The following PKD2 variants were observed in gnomAD, a reference collection of about 807,000 sequenced individuals.
PKD2 encodes the protein polycystin-2.
Under a neutral mutation model 105.9 loss-of-function variants are expected in PKD2, and 48 were observed. That is an observed-to-expected ratio of 0.45 (90% CI 0.36 to 0.58). PKD2 has a LOEUF of 0.58. Ranked by LOEUF, PKD2 falls within the 20% of genes least tolerant of loss-of-function variation. The pLI is 0.00. For missense variants in PKD2, 1,078 were observed against 1,255.3 expected, an observed-to-expected ratio of 0.86 and a Z score of 2.13; for synonymous variants, 464 against 481.1, an observed-to-expected ratio of 0.96 and a Z score of 0.46.
At position 88,036,227 on chromosome 4, in the gene PKD2, C is replaced by T. The variant is rs780351760; in HGVS notation, c.717C>T (p.Tyr239=). The change falls in exon 3 of 15, where the codon TAC becomes TAT. Residue 239 remains tyrosine (Y), a synonymous_variant. Coordinates refer to ENST00000237596, the MANE Select transcript of PKD2 (RefSeq NM_000297.4). ...LFLIVLCILT[Y]GMMSSNVYYY... is the part of the protein sequence containing the mutation. ...GATCTTTCTGTGTTCCAGTGACCTA[C>T]GGCATGATGAGCTCCAATGTGTACT... 8 of 1,613,506 alleles carry T rather than the reference C, an allele frequency of 5.0e-6. No individual in the cohort carries two copies. Among genetic ancestry groups the T allele is most frequent in the Middle Eastern group, 1.6e-4 (1 of 6,080 alleles).
chr4:88,018,283 A>G (rs536413186), intron 1 of PKD2, among the ~76,000 whole-genome samples: 2 of 152,366 alleles, frequency 1.3e-5, no homozygotes, highest in South Asian at 4.1e-4. Context: ...ACCCAAATTC[A>G]GGAATAGAAC....
chr4:88,074,249 A>T (rs1393030566), intron 13 of PKD2, among the ~76,000 whole-genome samples: 1 of 152,184 alleles, frequency 6.6e-6, no homozygotes, highest in Non-Finnish European at 1.5e-5. Context: ...CCCAAGGCTC[A>T]GGTGATCCTT....
rs769630264 is a variant in PKD2, at chr4:88,019,483, G to A, written c.621G>A (p.Glu207=). 6 of 1,595,714 alleles carry A rather than the reference G, an allele frequency of 3.8e-6. No individual in the cohort carries two copies. The highest frequency in any genetic ancestry group is 3.3e-5 in the Admixed American group (2 of 59,956). Residue 207 remains glutamate, a synonymous_variant, in exon 2 of 15, where the codon GAG becomes GAA. Transcript: ENST00000237596. Reference sequence around the variant, plus strand: ...GTCTCTGGGGAACAAGACTCATGGAGGAAAGCAGCACTAACCGAGAGAAAT... The same window carrying A: ...GTCTCTGGGGAACAAGACTCATGGAAGAAAGCAGCACTAACCGAGAGAAAT... The part of the protein sequence containing the change: ...LRGLWGTRLM[E]ESSTNREKYL...
At chr4:88,040,286 CG>C (rs1727510224) in intron 4 of PKD2, among the ~76,000 whole-genome samples, 1 of 152,118 alleles carries the variant, frequency 6.6e-6, no homozygotes, top group African/African-American at 2.4e-5. Flanking sequence ...GGTGGCTTGT[CG>C]ACGCTCTCAG....
At chr4:88,057,436 C>CTTTTTTTT (rs770879919) in intron 8 of PKD2, among the ~76,000 whole-genome samples, 2 of 134,366 alleles carry the variant, frequency 1.5e-5, no homozygotes, top group Non-Finnish European at 1.6e-5. Flanking sequence ...ATTGTATTTT[C>CTTTTTTTT]TTTTTTTTTT....
intron 10 of PKD2, among the ~76,000 whole-genome samples, chr4:88,064,227 TAGAAA>T (rs1252913777): frequency 2.0e-5 from 3 of 152,154 alleles, no homozygotes; most frequent in Non-Finnish European, 4.4e-5. Context: ...CACTAATGCA[TAGAAA>T]AGAAGTTCAC....
chr4:88,057,624 C>T (rs1014380975), intron 8 of PKD2, among the ~76,000 whole-genome samples: 28 of 151,738 alleles, frequency 1.8e-4, no homozygotes, highest in Non-Finnish European at 3.4e-4. Flanking sequence ...TTAGTAGAGA[C>T]GGGGTTTCAC....
chr4:88,063,743 T>C (rs1720672340), intron 10 of PKD2, among the ~76,000 whole-genome samples: 1 of 152,018 alleles, frequency 6.6e-6, no homozygotes, highest in South Asian at 2.1e-4. Context: ...TCAACTTAAA[T>C]GAGGAAAATA....
chr4:88,055,723 C>G (rs760585454), intron 7 of PKD2, among the ~76,000 whole-genome samples: 2 of 150,178 alleles, frequency 1.3e-5, no homozygotes, highest in Non-Finnish European at 3.0e-5. Context: ...GCATTAAGTA[C>G]ATTCACAGTG....
intron 1 of PKD2, 121 bp downstream of exon 1, chr4:88,008,449 CCCTTGGAAG>C: frequency 8.0e-7 from 1 of 1,247,930 alleles, no homozygotes; most frequent in Non-Finnish European, 1.0e-6. Context: ...CGTTCCGCCT[CCCTTGGAAG>C]CGCATTCCCC....
At chr4:88,062,646 T>C (rs1720618883) in intron 10 of PKD2, among the ~76,000 whole-genome samples, 1 of 152,198 alleles carries the variant, frequency 6.6e-6, no homozygotes, top group Non-Finnish European at 1.5e-5. Context: ...ATAAAATGTA[T>C]ACAACAACAA....
chr4:88,061,758 A>T (rs1025929451), intron 9 of PKD2, 148 bp from the exon 10 acceptor site: 7 of 298,968 alleles, frequency 2.3e-5, no homozygotes, highest in East Asian at 1.4e-4. Context: ...ATTTTTTTTT[A>T]AATAAATAAA....
At chr4:88,070,167 C>G (rs923409271) in intron 13 of PKD2, among the ~76,000 whole-genome samples, 1 of 152,086 alleles carries the variant, frequency 6.6e-6, no homozygotes, top group African/African-American at 2.4e-5. Context: ...TTCATTTCCT[C>G]TGGCTTGTAT....
chr4:88,014,486 TAA>T (rs33970692), intron 1 of PKD2, among the ~76,000 whole-genome samples: 1 of 144,706 alleles, frequency 6.9e-6, no homozygotes. Flanking sequence ...ACACTGTCTC[TAA>T]AAAAAAAAAA....
chr4:88,036,967 G>A (rs566889430), intron 3 of PKD2, among the ~76,000 whole-genome samples: 16 of 152,274 alleles, frequency 1.1e-4, no homozygotes, highest in South Asian at 1.0e-3. Flanking sequence ...GGTGGCTCAC[G>A]CCTGTAATCC....
chr4:88,027,455 C>A (rs971363109), intron 2 of PKD2, among the ~76,000 whole-genome samples: 1 of 152,194 alleles, frequency 6.6e-6, no homozygotes, highest in African/African-American at 2.4e-5. Flanking sequence ...GCCTGTACCC[C>A]CATTGTATCT....
Position 88,065,803 on chromosome 4 carries a change from A to G in PKD2, c.2282A>G (p.Lys761Arg), listed in dbSNP as rs1419197819. 6.2e-7 allele frequency: 1 copy of G among 1,613,690 alleles called. No individual in the cohort carries two copies. Among genetic ancestry groups the G allele is most frequent in the African/African-American group, 1.3e-5 (1 of 74,922 alleles). The change falls in exon 12 of 15, where the codon AAG (lysine) becomes AGG (arginine). Residue 761 changes from lysine to arginine, a missense_variant. This residue lies in a region of PKD2 where 868 missense variants were observed against 1,067.3 expected (regional missense o/e 0.81). Coordinates refer to ENST00000237596, the MANE Select transcript of PKD2 (RefSeq NM_000297.4). ...GCAGAGATTGAGGCAATATTCACAAAGTACGACCAAGATGGAGACCAAGAA... is the reference window on the plus strand; with the variant it reads ...GCAGAGATTGAGGCAATATTCACAAGGTACGACCAAGATGGAGACCAAGAA... ...TDAEIEAIFT[K>R]YDQDGDQELT...
intron 1 of PKD2, among the ~76,000 whole-genome samples, chr4:88,010,673 C>A (rs1017744065): frequency 6.6e-6 from 1 of 152,212 alleles, no homozygotes; most frequent in Non-Finnish European, 1.5e-5. Context: ...ATAGCTCCCT[C>A]AAACTACCTG....
chr4:88,043,272 C>T lies in PKD2; in HGVS notation c.1134C>T (p.Ser378=). 13 of 1,612,956 alleles carry T rather than the reference C, an allele frequency of 8.1e-6. No homozygotes were observed. Among genetic ancestry groups the T allele is most frequent in the Non-Finnish European group, 1.1e-5 (13 of 1,179,024 alleles). ...GTGAAAAAGACTTGAATGGTAGTAG[C>T]CACTGGGGAATCATTGCAACTTATA... ...YTSEKDLNGS[S]HWGIIATYSG... The change falls in exon 5 of 15, where the codon AGC becomes AGT. Residue 378 remains serine, a synonymous_variant. Transcript: ENST00000237596.
Sources: allele counts gnomAD v4.1 joint callset (sites outside exome capture counted in the v4.1 genomes callset), GRCh38; gene constraint gnomAD v4.1.1; regional missense constraint gnomAD v4.1.1; transcripts MANE v1.5; gene names NCBI Gene and HGNC (gene_info 2026-07-23, HGNC 2026-07-21).